The following WDR17 variants were observed in gnomAD, a reference collection of about 807,000 sequenced individuals.
WDR17 encodes WD repeat-containing protein 17.
In WDR17, 143 loss-of-function variants were observed where a neutral mutation model predicts 161.7. The ratio of observed to expected loss-of-function variants is 0.88; its 90% confidence interval spans 0.77 to 1.02. WDR17 has a LOEUF of 1.02. Among genes scored for constraint, WDR17 ranks in the 50% least tolerant of loss-of-function variants. The pLI is 0.00. For missense variants in WDR17, 1,469 were observed against 1,520.9 expected (o/e 0.97, Z 0.57); for synonymous variants, 517 against 515.6 (o/e 1.00, Z -0.04).
At chr4:176,108,061 C>T (rs1232195798) in intron 1 of WDR17, among the ~76,000 whole-genome samples, 2 of 151,780 alleles carry the variant, frequency 1.3e-5, no homozygotes, top group African/African-American at 2.4e-5. Context: ...TCCCCCAAGA[C>T]AGGGTCTCTT....
chr4:176,152,398 C>T (rs1203698090), intron 17 of WDR17, among the ~76,000 whole-genome samples: 1 of 149,866 alleles, frequency 6.7e-6, no homozygotes, highest in African/African-American at 2.5e-5. Flanking sequence ...AGATTAAGAT[C>T]ATCCTGGCCA....
At chr4:176,082,703 T>G (rs1412650404) in intron 1 of WDR17, among the ~76,000 whole-genome samples, 1 of 152,184 alleles carries the variant, frequency 6.6e-6, no homozygotes, top group African/African-American at 2.4e-5. Flanking sequence ...CTTTTTATTT[T>G]CAAAAATTTG....
Position 176,139,904 on chromosome 4 carries a change from G to A in WDR17, c.1372G>A (p.Gly458Arg). 1 of 1,608,572 alleles carries A rather than the reference G, an allele frequency of 6.2e-7. No individual in the cohort carries two copies. The highest frequency in any genetic ancestry group is 8.5e-7 in the Non-Finnish European group (1 of 1,177,722). ...ACATTTTTTGAAGCATGGAACAAAT[G>A]GAATATTCTGCATTGCCTGGAGTCA... is the stretch of plus-strand genomic sequence containing the variant. Reference protein sequence around the residue: ...IQRFNEHGTNGIFCIAWSHKD... With the variant: ...IQRFNEHGTNRIFCIAWSHKD... Residue 458 changes from glycine (G) to arginine (R), a missense_variant, in exon 10 of 29, where the codon GGA (glycine) becomes AGA (arginine). By Grantham distance (125) the Gly-to-Arg change is moderately radical (BLOSUM62 -2). Coordinates refer to ENST00000508596, the MANE Select transcript of WDR17 (RefSeq NM_181265.4).
intron 1 of WDR17, among the ~76,000 whole-genome samples, chr4:176,075,164 GT>G (rs573245500): frequency 8.0e-5 from 12 of 149,346 alleles, no homozygotes; most frequent in South Asian, 2.1e-4. Flanking sequence ...ATTTTTTCCA[GT>G]TTTTTTCTTT....
chr4:176,141,897 T>C (rs1745329268), intron 10 of WDR17, 86 bp from the exon 11 acceptor site: 1 of 1,085,534 alleles, frequency 9.2e-7, no homozygotes, highest in African/African-American at 1.6e-5. Flanking sequence ...AATATTTCTA[T>C]TTGAAATTTA....
chr4:176,160,056 G>A lies in WDR17; in HGVS notation c.2588G>A (p.Gly863Asp), dbSNP rs769278484. ...DDVIPYCIAI[G>D]DVKKLVHFFM... ...GTCATTCCATACTGCATAGCCATTG[G>A]TGATGTGAAAAAGCTAGTCCATTTT... is the stretch of plus-strand genomic sequence containing the variant. The change falls in exon 19 of 29, where the codon GGT (glycine) becomes GAT (aspartate). Residue 863 changes from glycine (G) to aspartate (D), a missense_variant. Coordinates refer to ENST00000508596, the MANE Select transcript of WDR17 (RefSeq NM_181265.4). The A allele has an allele frequency of 1.2e-6, 2 of 1,613,700 alleles. No homozygotes were observed. The highest frequency in any genetic ancestry group is 1.1e-5 in the South Asian group (1 of 91,034).
chr4:176,163,265 GC>G lies in WDR17; in HGVS notation c.2963del (p.Ala988GlyfsTer5), dbSNP rs764541677. On this transcript the variant is annotated frameshift_variant, in exon 22 of 29. Coordinates refer to ENST00000508596, the MANE Select transcript of WDR17 (RefSeq NM_181265.4). LOFTEE classifies it high-confidence loss of function. ...AACCCACTATGCCTTAGAATTACTG[GC>G]GAGAAAGTGCATGATGATTTCAGTA... The part of the protein sequence containing the change: ...PATHYALELL[A>X]RKCMMISVWN... The G allele has an allele frequency of 3.7e-6, 6 of 1,611,098 alleles. No homozygotes were observed. Among genetic ancestry groups the G allele is most frequent in the Non-Finnish European group, 5.1e-6 (6 of 1,179,038 alleles).
chr4:176,162,443 A>G (rs960791412), intron 21 of WDR17, among the ~76,000 whole-genome samples: 14 of 152,208 alleles, frequency 9.2e-5, no homozygotes, highest in African/African-American at 3.4e-4. Context: ...TTCAACATAG[A>G]TGAGAAGCGC....
At chr4:176,069,183 C>A (rs146370798) in intron 1 of WDR17, among the ~76,000 whole-genome samples, 2,738 of 152,032 alleles carry the variant, frequency 0.018, 37 homozygotes, top group Middle Eastern at 0.041. Flanking sequence ...AAAAAAAGAA[C>A]TTGATATTGG....
rs951169079 is a variant in WDR17, at chr4:176,099,894, C to T, written c.-6-11681C>T. Among the ~76,000 whole-genome samples the T allele has an allele frequency of 2.0e-4, 31 of 152,266 alleles. No individual in the cohort carries two copies. The East Asian group carries it at 5.0e-3, about 25-fold the overall frequency. ...CACTTAAGATAATGACCTCCAGCTG[C>T]ATGCATGTTGCTGCAAAATACATGA... On this transcript the variant is annotated intron_variant, in intron 1 of 28. Coordinates refer to ENST00000508596, the MANE Select transcript of WDR17 (RefSeq NM_181265.4).
At chr4:176,133,112 C>G (rs1487999728) in intron 7 of WDR17, among the ~76,000 whole-genome samples, 1 of 150,012 alleles carries the variant, frequency 6.7e-6, no homozygotes, top group African/African-American at 2.4e-5. Flanking sequence ...AAAAAATATA[C>G]TAACATGAAT....
chr4:176,160,108 AGCTCT>A lies in WDR17; in HGVS notation c.2644_2648del (p.Leu882CysfsTer7), dbSNP rs776733251. On this transcript the variant is annotated frameshift_variant, in exon 19 of 29. Transcript: ENST00000508596. LOFTEE classifies it high-confidence loss of function. ...TCATGTCAAGAGGTCAGCTTAAAGA[AGCTCT>A]GCTTGTTGCACAGGTAAAACCACAG... 2 of 1,613,686 alleles carry A rather than the reference AGCTCT, an allele frequency of 1.2e-6. No homozygotes were observed. Among genetic ancestry groups the A allele is most frequent in the Middle Eastern group, 1.6e-4 (1 of 6,062 alleles).
Position 176,177,540 on chromosome 4 carries a change from G to C in WDR17, c.3618G>C (p.Lys1206Asn), listed in dbSNP as rs754271078. The C allele has an allele frequency of 3.1e-6, 5 of 1,599,874 alleles. No homozygotes were observed. The highest frequency in any genetic ancestry group is 4.2e-6 in the Non-Finnish European group (5 of 1,176,498). The change falls in exon 28 of 29, where the codon AAG becomes AAC. Residue 1206 changes from lysine (K) to asparagine (N), a missense_variant. Transcript: ENST00000508596. ...SQRMIYATLL[K>N]RLKEESLKGI... ...GAATGATTTATGCAACTTTATTAAA[G>C]AGACTAAAAGAAGAGTCACTGAAAG...
At chr4:176,088,782 T>A (rs1735742279) in intron 1 of WDR17, among the ~76,000 whole-genome samples, 1 of 152,176 alleles carries the variant, frequency 6.6e-6, no homozygotes, top group South Asian at 2.1e-4. Context: ...AAGACTTCTG[T>A]TTTCATTCCT....
chr4:176,137,461 T>C, intron 8 of WDR17, 59 bp from the exon 9 acceptor site: 1 of 1,406,060 alleles, frequency 7.1e-7, no homozygotes, highest in Middle Eastern at 1.9e-4. Context: ...TTACATTTTT[T>C]AAAAGAATTA....
At chr4:176,109,245 T>C (rs1375816591) in intron 1 of WDR17, among the ~76,000 whole-genome samples, 6 of 151,836 alleles carry the variant, frequency 4.0e-5, no homozygotes, top group Admixed American at 6.6e-5. Context: ...CCACATAATC[T>C]CCAAAAGTCA....
At chr4:176,102,180 C>A (rs1026893671) in intron 1 of WDR17, among the ~76,000 whole-genome samples, 1 of 152,056 alleles carries the variant, frequency 6.6e-6, no homozygotes, top group South Asian at 2.1e-4. Flanking sequence ...ATTGAACAAC[C>A]TGGTTTTAAA....
chr4:176,175,944 A>T (rs2126895104), intron 26 of WDR17, among the ~76,000 whole-genome samples: 1 of 152,328 alleles, frequency 6.6e-6, no homozygotes, highest in East Asian at 1.9e-4. Flanking sequence ...CCTATTGCGT[A>T]GGTGAAGCAC....
At position 176,066,869 on chromosome 4, in the gene WDR17, TG is replaced by T. The variant is rs201641266; in HGVS notation, c.-7+791del. Among the ~76,000 whole-genome samples, 905 of 152,272 alleles carry T rather than the reference TG, an allele frequency of 5.9e-3. 10 individuals are homozygous for T. Among genetic ancestry groups the T allele is most frequent in the African/African-American group, 0.02 (843 of 41,560 alleles). On this transcript the variant is annotated intron_variant, in intron 1 of 28. Coordinates refer to ENST00000508596, the MANE Select transcript of WDR17 (RefSeq NM_181265.4). ...AACTATCAAAAAAACACAAGTTCGT[TG>T]TAAAAGGATACGAAACGGCCAAAGC...
Sources: allele counts gnomAD v4.1 joint callset (sites outside exome capture counted in the v4.1 genomes callset), GRCh38; gene constraint gnomAD v4.1.1; transcripts MANE v1.5; gene names NCBI Gene and HGNC (gene_info 2026-07-23, HGNC 2026-07-21).